The following SLC35G2 variants were observed in gnomAD, a reference collection of about 807,000 sequenced individuals.
The protein encoded by SLC35G2 is transmembrane protein 22.
In SLC35G2, 20 loss-of-function variants were observed where a neutral mutation model predicts 27.2. The ratio of observed to expected loss-of-function variants is 0.74; its 90% CI spans 0.52 to 1.07. SLC35G2 has a LOEUF of 1.07. Ranked by LOEUF, SLC35G2 falls within the 50% of genes least tolerant of loss-of-function variation. The pLI, the probability that SLC35G2 is intolerant of heterozygous loss-of-function variation, is 0.00. For synonymous variants in SLC35G2, 148 were observed against 165.3 expected, an observed-to-expected ratio of 0.90 and a Z score of 0.80; for missense variants, 416 against 493.3, an observed-to-expected ratio of 0.84 and a Z score of 1.48.
At chr3:136,845,338 G>C (rs1937325302) in intron 1 of SLC35G2, among the ~76,000 whole-genome samples, 2 of 152,180 alleles carry the variant, frequency 1.3e-5, no homozygotes, top group Admixed American at 1.3e-4. Context: ...TTCTGAGCAA[G>C]CTCAGATATG....
At chr3:136,832,835 G>A (rs564388570) in intron 1 of SLC35G2, among the ~76,000 whole-genome samples, 1 of 152,162 alleles carries the variant, frequency 6.6e-6, no homozygotes, top group Non-Finnish European at 1.5e-5. Flanking sequence ...TTGGGAGGCC[G>A]AGGCAGGTGG....
At chr3:136,849,326 T>C (rs1033253167) in intron 1 of SLC35G2, among the ~76,000 whole-genome samples, 6 of 152,082 alleles carry the variant, frequency 3.9e-5, no homozygotes, top group Non-Finnish European at 8.8e-5. Context: ...TTAATTTATA[T>C]ATATTTTATC....
intron 1 of SLC35G2, among the ~76,000 whole-genome samples, chr3:136,849,178 CAA>C (rs959103048): frequency 3.3e-5 from 4 of 122,940 alleles, no homozygotes; most frequent in Non-Finnish European, 1.7e-5. Context: ...AACTCCGTCT[CAA>C]AAAAAAAAAA....
intron 1 of SLC35G2, among the ~76,000 whole-genome samples, chr3:136,835,503 A>C (rs1014352648): frequency 1.3e-5 from 2 of 152,016 alleles, no homozygotes; most frequent in Non-Finnish European, 1.5e-5. Context: ...TAAGGTGATA[A>C]TTTCTCCACT....
intron 1 of SLC35G2, among the ~76,000 whole-genome samples, chr3:136,834,843 G>C (rs1198461337): frequency 1.7e-4 from 26 of 152,204 alleles, no homozygotes. Context: ...TTACATAAAA[G>C]TTGCAAATAT....
rs182497814 is a variant in SLC35G2, at chr3:136,851,646, G to T, written c.-18-2797G>T. ...CTGCTCAGAGCAAGGTAGGCGTGTT[G>T]AAGACCTAAGTACTGATAGGAGCTA... On this transcript the variant is annotated intron_variant, in intron 1 of 1. Coordinates refer to ENST00000446465, the MANE Select transcript of SLC35G2 (RefSeq NM_025246.3). Among the ~76,000 whole-genome samples, 147 of 152,200 alleles carry T rather than the reference G, an allele frequency of 9.7e-4. 1 individual carries two copies. Among genetic ancestry groups the T allele is most frequent in the African/African-American group, 3.5e-3 (144 of 41,522 alleles).
At chr3:136,851,634 G>A (rs1047774407) in intron 1 of SLC35G2, among the ~76,000 whole-genome samples, 1 of 152,048 alleles carries the variant, frequency 6.6e-6, no homozygotes, top group Non-Finnish European at 1.5e-5. Context: ...CTCAGAGCAA[G>A]GTAGGCGTGT....
intron 1 of SLC35G2, among the ~76,000 whole-genome samples, chr3:136,828,024 G>A (rs1936627839): frequency 6.6e-6 from 1 of 151,886 alleles, no homozygotes; most frequent in South Asian, 2.1e-4. Flanking sequence ...ATGGGGTTTC[G>A]CCATGTTTGC....
rs1937884500 is a variant in SLC35G2 at position 136,854,673 on chromosome 3, C to T, written c.213C>T (p.Thr71=). 1 of 1,614,044 alleles carries T rather than the reference C, an allele frequency of 6.2e-7. No individual in the cohort carries two copies. The highest frequency in any genetic ancestry group is 8.5e-7 in the Non-Finnish European group (1 of 1,179,984). ...AAAAAGGGAGAGCTTTCTTTGGAAC[C>T]ATGGATACCCTACCTCCACCAACAG... ...MKKKGRAFFG[T]MDTLPPPTED... The change falls in exon 2 of 2, where the codon ACC becomes ACT. Residue 71 remains threonine (T), a synonymous_variant. Coordinates refer to ENST00000446465, the MANE Select transcript of SLC35G2 (RefSeq NM_025246.3).
chr3:136,834,859 A>C (rs1268412571), intron 1 of SLC35G2, among the ~76,000 whole-genome samples: 2 of 152,230 alleles, frequency 1.3e-5, no homozygotes, highest in African/African-American at 4.8e-5. Context: ...AATATAATAC[A>C]ACAAACTCCT....
intron 1 of SLC35G2, among the ~76,000 whole-genome samples, chr3:136,852,897 G>T (rs1290367533): frequency 2.6e-5 from 4 of 152,012 alleles, no homozygotes; most frequent in Admixed American, 6.6e-5. Flanking sequence ...AGGTCTAAAA[G>T]AAATAATAAT....
chr3:136,830,311 C>T (rs1161674304), intron 1 of SLC35G2, among the ~76,000 whole-genome samples: 1 of 150,590 alleles, frequency 6.6e-6, no homozygotes, highest in Non-Finnish European at 1.5e-5. Context: ...GAGACAGAGT[C>T]TTGCTCTATC....
chr3:136,849,258 T>C (rs1220622627), intron 1 of SLC35G2, among the ~76,000 whole-genome samples: 1 of 152,038 alleles, frequency 6.6e-6, no homozygotes, highest in Non-Finnish European at 1.5e-5. Context: ...AAAAAAAAAT[T>C]ATGCAATTAT....
At chr3:136,830,564 T>G (rs1936704196) in intron 1 of SLC35G2, among the ~76,000 whole-genome samples, 1 of 152,172 alleles carries the variant, frequency 6.6e-6, no homozygotes, top group Non-Finnish European at 1.5e-5. Context: ...ATTACAGGCA[T>G]GAGCCACCGC....
chr3:136,826,029 C>CTTTATTTTATTTTATTTTAT (rs56350224), intron 1 of SLC35G2, among the ~76,000 whole-genome samples: 3 of 148,596 alleles, frequency 2.0e-5, no homozygotes, highest in Admixed American at 6.7e-5. Flanking sequence ...CTTTTCTTTT[C>CTTTATTTTATTTTATTTTAT]TTTATTTTAT....
At chr3:136,849,220 C>T (rs940838278) in intron 1 of SLC35G2, among the ~76,000 whole-genome samples, 3 of 151,328 alleles carry the variant, frequency 2.0e-5, no homozygotes, top group Non-Finnish European at 2.9e-5. Context: ...ACACACGTAA[C>T]GAATCTGCAC....
chr3:136,845,138 A>G (rs981252106), intron 1 of SLC35G2, among the ~76,000 whole-genome samples: 3 of 152,242 alleles, frequency 2.0e-5, no homozygotes, highest in African/African-American at 7.2e-5. Flanking sequence ...TTTTTGTAAG[A>G]AAAATCTTAC....
chr3:136,835,376 G>T (rs910854303), intron 1 of SLC35G2, among the ~76,000 whole-genome samples: 1 of 79,478 alleles, frequency 1.3e-5, no homozygotes, highest in Non-Finnish European at 2.8e-5. Flanking sequence ...TTAGATTCAG[G>T]TGATACATTT....
chr3:136,829,136 A>G (rs921510830), intron 1 of SLC35G2, among the ~76,000 whole-genome samples: 1 of 152,184 alleles, frequency 6.6e-6, no homozygotes, highest in East Asian at 1.9e-4. Context: ...TTTCTACATA[A>G]GAGCAGTTTA....
Sources: gnomAD v4.1 joint callset for allele counts (sites outside exome capture counted in the v4.1 genomes callset) on GRCh38, gnomAD v4.1.1 for gene constraint, MANE v1.5 for transcripts, NCBI Gene and HGNC (gene_info 2026-07-23, HGNC 2026-07-21) for gene names.